KANK1: variants seen among roughly 807,000 people sequenced by gnomAD.
The protein encoded by KANK1 is KN motif and ankyrin repeat domain-containing protein 1.
KANK1 carries 109 observed loss-of-function variants against 106.2 expected under a neutral mutation model. That is an observed-to-expected ratio of 1.03 (90% CI 0.88 to 1.20). KANK1 has a LOEUF of 1.20. KANK1 is among the 50% of genes most tolerant of loss of function. KANK1 has a pLI of 0.00. For missense variants in KANK1, 2,399 were observed against 1,710.7 expected (o/e 1.40, Z -7.10); for synonymous variants, 873 against 652.2 (o/e 1.34, Z -5.16).
chr9:597,134 T>C (rs1304178034), intron 1 of KANK1, among the ~76,000 whole-genome samples: 3 of 151,890 alleles, frequency 2.0e-5, no homozygotes, highest in Admixed American at 6.6e-5. Context: ...TGTTGATAGA[T>C]TTTTGATTTT....
At chr9:501,010 T>C (rs985598246), upstream of KANK1, among the ~76,000 whole-genome samples, 3 of 151,954 alleles carry the variant, frequency 2.0e-5, no homozygotes, top group East Asian at 3.9e-4. Context: ...ATACTGAGAG[T>C]GGGACAGCCA....
chr9:594,978 C>T (rs1825859241), intron 1 of KANK1, among the ~76,000 whole-genome samples: 1 of 151,616 alleles, frequency 6.6e-6, no homozygotes. Context: ...ATTATAGAAA[C>T]AGTTTGATTT....
chr9:661,996 T>G (rs892723480), intron 1 of KANK1, among the ~76,000 whole-genome samples: 7 of 152,324 alleles, frequency 4.6e-5, no homozygotes, highest in Admixed American at 4.6e-4. Flanking sequence ...TGTAAATTTG[T>G]TTAAGTTCTT....
chr9:502,150 G>C (rs1295713933), upstream of KANK1, among the ~76,000 whole-genome samples: 1 of 152,152 alleles, frequency 6.6e-6, no homozygotes, highest in Admixed American at 6.6e-5. Flanking sequence ...CAAATCCATA[G>C]AGACAGAAAG....
At chr9:693,022 T>C (rs1820350901) in intron 2 of KANK1, among the ~76,000 whole-genome samples, 1 of 152,044 alleles carries the variant, frequency 6.6e-6, no homozygotes, top group Admixed American at 6.6e-5. Flanking sequence ...TTTTTTTTTT[T>C]TTAGGTAATG....
At chr9:664,356 A>G (rs1018842972) in intron 1 of KANK1, among the ~76,000 whole-genome samples, 4 of 152,214 alleles carry the variant, frequency 2.6e-5, no homozygotes, top group Non-Finnish European at 5.9e-5. Flanking sequence ...TTCACTGAAC[A>G]TAATGACCCC....
chr9:496,752 T>G (rs1404988430), intron 3 of KANK1, among the ~76,000 whole-genome samples: 2 of 152,154 alleles, frequency 1.3e-5, no homozygotes, highest in African/African-American at 2.4e-5. Context: ...TTTTGTCCTT[T>G]ATGAAGCCTA....
chr9:507,556 AT>A (rs755577004), intron 1 of KANK1, among the ~76,000 whole-genome samples: 2,094 of 127,380 alleles, frequency 0.016, 49 homozygotes, highest in South Asian at 0.099. Context: ...TGCCCGGCTA[AT>A]TTTTTTTTTT....
At chr9:482,535 CA>C (rs2058224001) in intron 3 of KANK1, among the ~76,000 whole-genome samples, 1 of 152,148 alleles carries the variant, frequency 6.6e-6, no homozygotes, top group Non-Finnish European at 1.5e-5. Flanking sequence ...AACTGAGGCT[CA>C]GGGGTTAAAT....
intron 1 of KANK1, among the ~76,000 whole-genome samples, chr9:536,668 G>T (rs1587608568): frequency 6.6e-6 from 1 of 152,274 alleles, no homozygotes; most frequent in East Asian, 1.9e-4. Context: ...TCATTAGATT[G>T]GGTCCATCTA....
intron 1 of KANK1, among the ~76,000 whole-genome samples, chr9:627,931 C>T (rs550353526): frequency 6.6e-6 from 1 of 150,774 alleles, no homozygotes; most frequent in Non-Finnish European, 1.5e-5. Context: ...ATACAGCCCC[C>T]GCTAAGTGAA....
At chr9:519,071 A>G (rs1367627575) in intron 1 of KANK1, among the ~76,000 whole-genome samples, 5 of 151,408 alleles carry the variant, frequency 3.3e-5, no homozygotes, top group African/African-American at 1.2e-4. Context: ...TGTATGTTTA[A>G]TAGAAACGGG....
intron 3 of KANK1, chr9:495,210 T>G (rs1479231142): frequency 6.6e-6 from 1 of 152,270 alleles, no homozygotes; most frequent in Non-Finnish European, 1.5e-5. Context: ...GTCCCCAGAC[T>G]ATGAGTTTCT....
intron 10 of KANK1, among the ~76,000 whole-genome samples, chr9:744,012 T>C (rs1589379887): frequency 1.3e-5 from 2 of 152,320 alleles, no homozygotes; most frequent in Middle Eastern, 6.8e-3. Context: ...AGAAGTTGGA[T>C]CTGTGCAACC....
chr9:626,215 G>T (rs1163239426), intron 1 of KANK1, among the ~76,000 whole-genome samples: 3 of 152,164 alleles, frequency 2.0e-5, no homozygotes, highest in Non-Finnish European at 4.4e-5. Context: ...TGTAATCCCA[G>T]CACTTTAGGA....
chr9:705,647 G>T (rs1026599466), intron 2 of KANK1, among the ~76,000 whole-genome samples: 1 of 151,694 alleles, frequency 6.6e-6, no homozygotes, highest in Non-Finnish European at 1.5e-5. Context: ...GCCCAGGCTG[G>T]AGTGCAATGT....
intron 8 of KANK1, among the ~76,000 whole-genome samples, chr9:740,520 C>T (rs149683059): frequency 5.3e-5 from 8 of 152,314 alleles, no homozygotes; most frequent in Middle Eastern, 3.4e-3. Flanking sequence ...ACTTCCAAGC[C>T]ATTGCATTTC....
intron 1 of KANK1, among the ~76,000 whole-genome samples, chr9:656,223 C>T (rs1470959797): frequency 1.3e-5 from 2 of 152,022 alleles, no homozygotes; most frequent in East Asian, 1.9e-4. Context: ...CCTTTCCCAG[C>T]GTGGTGGAGT....
chr9:525,876 A>C (rs1192556526), intron 1 of KANK1, among the ~76,000 whole-genome samples: 1 of 151,584 alleles, frequency 6.6e-6, no homozygotes, highest in Non-Finnish European at 1.5e-5. Flanking sequence ...CTTCACAGTT[A>C]GTTTTAAAAA....
Sources: allele counts gnomAD v4.1 joint callset (sites outside exome capture counted in the v4.1 genomes callset), GRCh38; gene constraint gnomAD v4.1.1; transcripts MANE v1.5; gene names NCBI Gene and HGNC (gene_info 2026-07-23, HGNC 2026-07-21).